CNTN4: variants seen among roughly 807,000 people sequenced by gnomAD.
CNTN4 encodes the protein contactin 4, also known as contactin-4.
In CNTN4, 77 loss-of-function variants were observed where a neutral mutation model predicts 122.5. The ratio of observed to expected loss-of-function variants is 0.63; its 90% CI spans 0.52 to 0.76. CNTN4 has a LOEUF of 0.76. CNTN4 is among the 30% of genes least tolerant of loss of function. The pLI is 0.00. For missense variants in CNTN4, 1,256 were observed against 1,259.1 expected, an observed-to-expected ratio of 1.00 and a Z score of 0.04; for synonymous variants, 512 against 447.0, an observed-to-expected ratio of 1.15 and a Z score of -1.83.
At chr3:2,326,172 G>T (rs1026398862) in intron 2 of CNTN4, among the ~76,000 whole-genome samples, 13 of 152,160 alleles carry the variant, frequency 8.5e-5, no homozygotes, top group African/African-American at 2.9e-4. Context: ...TCAGCTGAAG[G>T]CCTGAATAGA....
chr3:2,800,085 T>TC (rs982374403), intron 6 of CNTN4, among the ~76,000 whole-genome samples: 9 of 151,408 alleles, frequency 5.9e-5, no homozygotes, highest in African/African-American at 2.2e-4. Flanking sequence ...TCTACTTTTT[T>TC]TTTTTTTTTG....
rs13076780 is a variant in CNTN4, at chr3:2,273,364, A to T, written c.-144-65814A>T. ...TCTATCTAGTCATTGTCCCAGTGAA[A>T]TGATAAAAGGCCCAACTCAGCTTGT... On this transcript the variant is annotated intron_variant, in intron 2 of 24. Coordinates refer to ENST00000418658, the MANE Select transcript of CNTN4 (RefSeq NM_175607.3). Among the ~76,000 whole-genome samples, 8 of 151,892 alleles carry T rather than the reference A, an allele frequency of 5.3e-5. No homozygotes were observed. In the South Asian group the frequency reaches 6.2e-4, roughly 12 times the overall value.
chr3:2,286,555 G>A (rs533425072), intron 2 of CNTN4, among the ~76,000 whole-genome samples: 2 of 151,972 alleles, frequency 1.3e-5, no homozygotes, highest in African/African-American at 4.8e-5. Context: ...ATGTTAAGTG[G>A]TGTTTAAGTC....
At chr3:2,864,903 A>G (rs1007467390) in intron 7 of CNTN4, among the ~76,000 whole-genome samples, 1 of 151,990 alleles carries the variant, frequency 6.6e-6, no homozygotes, top group African/African-American at 2.4e-5. Context: ...GGGATAGGTA[A>G]TCTTCTCATT....
intron 4 of CNTN4, among the ~76,000 whole-genome samples, chr3:2,675,132 A>AT (rs11396844): frequency 0.26 from 38,511 of 148,912 alleles, 5,940 homozygotes; most frequent in African/African-American, 0.44. Flanking sequence ...ATATATATGT[A>AT]TTTTTTTTTT....
At position 2,609,046 on chromosome 3, in the gene CNTN4, A is replaced by G. The variant is rs539256021; in HGVS notation, c.55+37488A>G. Among the ~76,000 whole-genome samples the G allele has an allele frequency of 1.7e-4, 26 of 152,310 alleles. No homozygotes were observed. The South Asian group carries it at 5.4e-3, about 32-fold the overall frequency. On this transcript the variant is annotated intron_variant, in intron 4 of 24. Coordinates refer to ENST00000418658, the MANE Select transcript of CNTN4 (RefSeq NM_175607.3). ...CTCATACTTTAGACAAGTCACATTC[A>G]GCCACTCTGTGGAAACACTGATTTT...
intron 3 of CNTN4, among the ~76,000 whole-genome samples, chr3:2,455,773 A>G (rs541318769): frequency 6.6e-6 from 1 of 152,154 alleles, no homozygotes; most frequent in South Asian, 2.1e-4. Context: ...ATTATTGTGT[A>G]GTCCCTGAAA....
chr3:2,712,383 G>A (rs2087203141), intron 4 of CNTN4, among the ~76,000 whole-genome samples: 1 of 152,164 alleles, frequency 6.6e-6, no homozygotes. Flanking sequence ...GCCATAGGGA[G>A]ATAAAATTCT....
chr3:2,442,560 C>T (rs2048479664), intron 3 of CNTN4, among the ~76,000 whole-genome samples: 1 of 151,596 alleles, frequency 6.6e-6, no homozygotes, highest in Non-Finnish European at 1.5e-5. Flanking sequence ...CTATTGTAAT[C>T]TTGTCGTTAA....
At chr3:2,932,348 A>G (rs539571940) in intron 13 of CNTN4, among the ~76,000 whole-genome samples, 1 of 152,330 alleles carries the variant, frequency 6.6e-6, no homozygotes, top group East Asian at 1.9e-4. Flanking sequence ...ACTGCACTCC[A>G]GCCTGAGTGA....
intron 3 of CNTN4, among the ~76,000 whole-genome samples, chr3:2,507,897 C>A (rs539597694): frequency 1.8e-4 from 28 of 151,960 alleles, no homozygotes; most frequent in Non-Finnish European, 2.5e-4. Flanking sequence ...ACACACACAC[C>A]CCCTCAAATT....
chr3:2,621,862 C>T (rs1000964426), intron 4 of CNTN4, among the ~76,000 whole-genome samples: 1 of 152,088 alleles, frequency 6.6e-6, no homozygotes, highest in Non-Finnish European at 1.5e-5. Context: ...GATTTAGCTT[C>T]TCAGAAGATT....
chr3:2,867,016 T>C (rs2093731257), intron 8 of CNTN4, 67 bp downstream of exon 8: 2 of 1,357,806 alleles, frequency 1.5e-6, no homozygotes, highest in Non-Finnish European at 2.1e-6. Context: ...AGGTATGTTA[T>C]GTTGTTGGCA....
At chr3:2,409,206 CT>C (rs1414584668) in intron 3 of CNTN4, among the ~76,000 whole-genome samples, 1 of 147,070 alleles carries the variant, frequency 6.8e-6, no homozygotes, top group African/African-American at 2.5e-5. Flanking sequence ...ACGTTTGTTA[CT>C]TTTTTTAAAG....
chr3:2,221,211 G>A (rs958183348), intron 2 of CNTN4, among the ~76,000 whole-genome samples: 25 of 152,122 alleles, frequency 1.6e-4, no homozygotes, highest in African/African-American at 4.3e-4. Context: ...TGGGCCTTTC[G>A]TTGGAAGTTT....
At chr3:2,776,483 C>T (rs1049625559) in intron 6 of CNTN4, among the ~76,000 whole-genome samples, 5 of 152,216 alleles carry the variant, frequency 3.3e-5, no homozygotes, top group African/African-American at 1.2e-4. Context: ...AACAGAAAGT[C>T]AGTAATTAAG....
chr3:2,314,714 A>G (rs577001315), intron 2 of CNTN4, among the ~76,000 whole-genome samples: 1 of 152,192 alleles, frequency 6.6e-6, no homozygotes, highest in East Asian at 1.9e-4. Context: ...TTTGATACAA[A>G]TGTAAAAGAA....
chr3:2,925,410 G>T (rs1230041854), intron 12 of CNTN4, among the ~76,000 whole-genome samples: 2 of 152,046 alleles, frequency 1.3e-5, no homozygotes, highest in Admixed American at 6.6e-5. Flanking sequence ...AAAATTACCT[G>T]GGCGTGGTCA....
At chr3:2,189,764 A>C (rs1029145447) in intron 2 of CNTN4, among the ~76,000 whole-genome samples, 2 of 152,136 alleles carry the variant, frequency 1.3e-5, no homozygotes, top group African/African-American at 4.8e-5. Context: ...AAAGTGACTA[A>C]AATATTTTCT....
Sources: gnomAD v4.1 joint callset for allele counts (sites outside exome capture counted in the v4.1 genomes callset) on GRCh38, gnomAD v4.1.1 for gene constraint, MANE v1.5 for transcripts, NCBI Gene and HGNC (gene_info 2026-07-23, HGNC 2026-07-21) for gene names.